Variants in SEMA3E observed in about 807,000 individuals in gnomAD.
The protein encoded by SEMA3E is semaphorin-3E.
Under a neutral mutation model 93.6 loss-of-function variants are expected in SEMA3E, and 49 were observed. The observed-to-expected ratio is 0.52, with a 90% CI of 0.42 to 0.66. SEMA3E has a LOEUF of 0.66. Among genes scored for constraint, SEMA3E ranks in the 30% least tolerant of loss-of-function variants. The pLI is 0.00. For synonymous variants in SEMA3E, 363 were observed against 330.7 expected (o/e 1.10, Z -1.06); for missense variants, 906 against 964.8 (o/e 0.94, Z 0.81).
chr7:83,516,945 T>TTATATATATATATATATATA (rs369210004), intron 1 of SEMA3E, among the ~76,000 whole-genome samples: 2 of 148,550 alleles, frequency 1.3e-5, no homozygotes, highest in Non-Finnish European at 3.0e-5. Flanking sequence ...TAGCATATAT[T>TTATATATATATATATATATA]TATATATATA....
chr7:83,450,435 T>A (rs1789335401), intron 4 of SEMA3E, among the ~76,000 whole-genome samples: 1 of 152,086 alleles, frequency 6.6e-6, no homozygotes. Context: ...TGAAAACACA[T>A]GAACGAAAAC....
intron 2 of SEMA3E, among the ~76,000 whole-genome samples, chr7:83,489,861 G>A (rs939411485): frequency 2.6e-5 from 4 of 152,120 alleles, no homozygotes; most frequent in Admixed American, 6.6e-5. Context: ...GGGCCACCAT[G>A]CAAGAGGAAT....
intron 9 of SEMA3E, among the ~76,000 whole-genome samples, chr7:83,404,837 C>G (rs1788297180): frequency 6.6e-6 from 1 of 151,602 alleles, no homozygotes; most frequent in Admixed American, 6.6e-5. Context: ...TTGGATATGG[C>G]AATTGGTAAG....
intron 1 of SEMA3E, among the ~76,000 whole-genome samples, chr7:83,600,635 C>T (rs1205614987): frequency 4.0e-5 from 6 of 151,514 alleles, no homozygotes; most frequent in South Asian, 2.1e-4. Flanking sequence ...GTGTCAGCCA[C>T]GGCGCCTGGC....
At chr7:83,453,421 GAA>G (rs34099626) in intron 4 of SEMA3E, among the ~76,000 whole-genome samples, 193 of 136,860 alleles carry the variant, frequency 1.4e-3, no homozygotes, top group East Asian at 0.01. Flanking sequence ...TCTCCCTACT[GAA>G]AAAAAAAAAA....
At chr7:83,529,247 T>G (rs190377253) in intron 1 of SEMA3E, among the ~76,000 whole-genome samples, 1 of 152,254 alleles carries the variant, frequency 6.6e-6, no homozygotes, top group East Asian at 1.9e-4. Context: ...ACGTTATGAA[T>G]AGCATCATGG....
chr7:83,568,849 A>G (rs1220802086), intron 1 of SEMA3E, among the ~76,000 whole-genome samples: 1 of 152,136 alleles, frequency 6.6e-6, no homozygotes, highest in Non-Finnish European at 1.5e-5. Context: ...TTCCTAGTCA[A>G]CATAGTACTA....
intron 16 of SEMA3E, among the ~76,000 whole-genome samples, chr7:83,377,255 C>A (rs1787664428): frequency 6.6e-6 from 1 of 151,954 alleles, no homozygotes; most frequent in Admixed American, 6.6e-5. Flanking sequence ...AACTTTTGCA[C>A]AAAAAGACTT....
chr7:83,392,339 C>T (rs1788034851), intron 14 of SEMA3E, among the ~76,000 whole-genome samples: 1 of 151,924 alleles, frequency 6.6e-6, no homozygotes, highest in Non-Finnish European at 1.5e-5. Flanking sequence ...TTTATCTGAA[C>T]TCGTTTCATG....
At chr7:83,437,252 A>G (rs1265113283) in intron 4 of SEMA3E, among the ~76,000 whole-genome samples, 1 of 152,130 alleles carries the variant, frequency 6.6e-6, no homozygotes, top group Non-Finnish European at 1.5e-5. Context: ...AATAATAATA[A>G]AGTTTGATTA....
At chr7:83,625,893 C>T (rs42006) in intron 1 of SEMA3E, among the ~76,000 whole-genome samples, 93,945 of 151,848 alleles carry the variant, frequency 0.62, 29,575 homozygotes, top group African/African-American at 0.73. Context: ...AATACCTCGT[C>T]TATTGAGTGT....
intron 4 of SEMA3E, among the ~76,000 whole-genome samples, chr7:83,420,003 C>CT (rs1788641195): frequency 6.6e-6 from 1 of 152,078 alleles, no homozygotes; most frequent in African/African-American, 2.4e-5. Flanking sequence ...AGAAGTCAAA[C>CT]GATCTCTCTT....
intron 2 of SEMA3E, among the ~76,000 whole-genome samples, chr7:83,473,832 GCCTGTAAT>G (rs1324118997): frequency 6.6e-6 from 1 of 152,100 alleles, no homozygotes; most frequent in Non-Finnish European, 1.5e-5. Context: ...GGTGGCTCAT[GCCTGTAAT>G]CCCAGCACTT....
chr7:83,619,941 A>AGATG (rs1793517070), intron 1 of SEMA3E, among the ~76,000 whole-genome samples: 1 of 151,900 alleles, frequency 6.6e-6, no homozygotes, highest in Non-Finnish European at 1.5e-5. Flanking sequence ...ATAGATAGAT[A>AGATG]GATGCAAAAC....
At chr7:83,410,588 T>C (rs1788419622) in intron 5 of SEMA3E, among the ~76,000 whole-genome samples, 1 of 152,106 alleles carries the variant, frequency 6.6e-6, no homozygotes, top group South Asian at 2.1e-4. Flanking sequence ...TTCCCAGAAA[T>C]TTTATGTCTA....
At chr7:83,493,854 A>G (rs1790434308) in intron 1 of SEMA3E, among the ~76,000 whole-genome samples, 1 of 151,932 alleles carries the variant, frequency 6.6e-6, no homozygotes, top group Non-Finnish European at 1.5e-5. Flanking sequence ...CTAACTGGTT[A>G]CAATTTTGTA....
chr7:83,638,883 G>A (rs898258053), intron 1 of SEMA3E, among the ~76,000 whole-genome samples: 2 of 151,556 alleles, frequency 1.3e-5, no homozygotes, highest in African/African-American at 2.4e-5. Flanking sequence ...AGGCCGAGGC[G>A]GGCGGATCAC....
At chr7:83,543,190 G>C (rs981463580) in intron 1 of SEMA3E, among the ~76,000 whole-genome samples, 1 of 151,996 alleles carries the variant, frequency 6.6e-6, no homozygotes, top group Admixed American at 6.6e-5. Context: ...TTGACAAAAT[G>C]TTTGTTCTGG....
chr7:83,421,906 G>A (rs374638217), intron 4 of SEMA3E, among the ~76,000 whole-genome samples: 1 of 152,228 alleles, frequency 6.6e-6, no homozygotes. Flanking sequence ...TGCCGGGCAC[G>A]GTGGCTCACG....
Sources: gnomAD v4.1 joint callset for allele counts (sites outside exome capture counted in the v4.1 genomes callset) on GRCh38, gnomAD v4.1.1 for gene constraint, MANE v1.5 for transcripts, NCBI Gene and HGNC (gene_info 2026-07-23, HGNC 2026-07-21) for gene names.